Variants in ARMC9 observed in about 807,000 individuals in gnomAD.
The protein encoded by ARMC9 is lisH domain-containing protein ARMC9.
Under a neutral mutation model 107.0 loss-of-function variants are expected in ARMC9, and 94 were observed. The ratio of observed to expected loss-of-function variants is 0.88; its 90% CI spans 0.74 to 1.04. ARMC9 has a LOEUF of 1.04. ARMC9 is among the 50% of genes least tolerant of loss of function. ARMC9 has a pLI of 0.00. For missense variants in ARMC9, 942 were observed against 1,030.1 expected (o/e 0.91, Z 1.17); for synonymous variants, 380 against 396.9 (o/e 0.96, Z 0.51).
intron 19 of ARMC9, among the ~76,000 whole-genome samples, chr2:231,325,653 T>C (rs1190595992): frequency 6.6e-6 from 1 of 152,124 alleles, no homozygotes; most frequent in Admixed American, 6.5e-5. Flanking sequence ...GGAGTACTCA[T>C]TTTCCTAAAA....
intron 14 of ARMC9, among the ~76,000 whole-genome samples, chr2:231,274,030 C>T (rs573237145): frequency 2.6e-5 from 4 of 152,270 alleles, no homozygotes; most frequent in East Asian, 1.9e-4. Context: ...CACTTAGCAT[C>T]GCGTTTGCAA....
rs996922516 is a variant in ARMC9, at chr2:231,256,618, C to T, written c.912C>T (p.Pro304=). 10 of 1,613,716 alleles carry T rather than the reference C, an allele frequency of 6.2e-6. No individual in the cohort carries two copies. Among genetic ancestry groups the T allele is most frequent in the South Asian group, 3.3e-5 (3 of 91,074 alleles). ...ASTMLRASLA[P]VKLKDVPLLP... is the part of the protein sequence containing the mutation. ...CCATGTTACGAGCCTCCTTGGCACC[C>T]GTGTAAGTAACTGCTCTTAGGAATT... The change falls in exon 10 of 25, where the codon CCC becomes CCT. Residue 304 remains proline (P), a splice_region_variant and synonymous_variant. Transcript: ENST00000611582.
At chr2:231,274,854 T>A (rs1272744505) in intron 14 of ARMC9, among the ~76,000 whole-genome samples, 1 of 152,190 alleles carries the variant, frequency 6.6e-6, no homozygotes, top group Non-Finnish European at 1.5e-5. Context: ...AATTCTTTGT[T>A]CTAACTATAT....
chr2:231,292,239 G>T (rs1252061251), intron 18 of ARMC9, among the ~76,000 whole-genome samples: 1 of 150,294 alleles, frequency 6.7e-6, no homozygotes, highest in East Asian at 1.9e-4. Context: ...ATCTCTTATC[G>T]TACTCTAGGC....
At chr2:231,286,057 C>T (rs1651565969) in intron 17 of ARMC9, among the ~76,000 whole-genome samples, 1 of 152,164 alleles carries the variant, frequency 6.6e-6, no homozygotes, top group African/African-American at 2.4e-5. Flanking sequence ...TCTGATCGTG[C>T]ACGGTGCTAG....
At chr2:231,363,613 G>A (rs779228692) in intron 23 of ARMC9, among the ~76,000 whole-genome samples, 3 of 152,128 alleles carry the variant, frequency 2.0e-5, no homozygotes, top group South Asian at 2.1e-4. Context: ...CCTGCCTGGC[G>A]CAGTGGCTCA....
intron 12 of ARMC9, among the ~76,000 whole-genome samples, chr2:231,264,019 GT>G (rs1335375316): frequency 6.6e-6 from 1 of 152,030 alleles, no homozygotes; most frequent in Non-Finnish European, 1.5e-5. Context: ...ATTGGCAGGG[GT>G]TTTTTTCTTT....
chr2:231,291,956 G>C (rs1421107344), intron 18 of ARMC9, among the ~76,000 whole-genome samples: 6 of 151,892 alleles, frequency 4.0e-5, no homozygotes, highest in Non-Finnish European at 4.4e-5. Flanking sequence ...ATCACTTGAG[G>C]TCAGGAGTTC....
At chr2:231,307,376 G>A (rs921451518) in intron 19 of ARMC9, among the ~76,000 whole-genome samples, 135 of 152,328 alleles carry the variant, frequency 8.9e-4, no homozygotes, top group African/African-American at 2.8e-3. Context: ...GGCCAGGCGT[G>A]TAAGAGCCCA....
intron 3 of ARMC9, among the ~76,000 whole-genome samples, chr2:231,210,960 G>A (rs180750190): frequency 6.6e-6 from 1 of 152,210 alleles, no homozygotes; most frequent in Non-Finnish European, 1.5e-5. Context: ...TTCTGTCTAT[G>A]AATTGGCTAC....
At chr2:231,344,867 A>G in intron 20 of ARMC9, 108 bp from the exon 21 acceptor site, 1 of 1,106,994 alleles carries the variant, frequency 9.0e-7, no homozygotes, top group East Asian at 2.5e-5. Flanking sequence ...TTTATTTGCA[A>G]AGCTTCTTAT....
At chr2:231,309,588 A>G (rs891032507) in intron 19 of ARMC9, among the ~76,000 whole-genome samples, 3 of 152,218 alleles carry the variant, frequency 2.0e-5, no homozygotes, top group Non-Finnish European at 2.9e-5. Context: ...GTCTGGGTCT[A>G]GAAATATGAC....
chr2:231,355,499 A>G (rs773307017), intron 21 of ARMC9, among the ~76,000 whole-genome samples: 3 of 152,196 alleles, frequency 2.0e-5, no homozygotes, highest in Admixed American at 6.5e-5. Flanking sequence ...TTTGCTTGAA[A>G]TGTCATGGTC....
In ARMC9 at chr2:231,344,480, T is replaced by C. The variant is rs546154218; in HGVS notation, c.1879-495T>C. Among the ~76,000 whole-genome samples the C allele has an allele frequency of 7.9e-5, 12 of 152,368 alleles. No homozygotes were observed. In the South Asian group the frequency reaches 2.5e-3, roughly 32 times the overall value. On this transcript the variant is annotated intron_variant, in intron 20 of 24. Coordinates refer to ENST00000611582, the MANE Select transcript of ARMC9 (RefSeq NM_001352754.2). ...TTGCCCGATTATCAATTTAGTGTTTTACTTACTGATTTGTAGGAGCTCCTT... is the reference window on the plus strand; with the variant it reads ...TTGCCCGATTATCAATTTAGTGTTTCACTTACTGATTTGTAGGAGCTCCTT...
intron 19 of ARMC9, among the ~76,000 whole-genome samples, chr2:231,313,276 A>G (rs1175384336): frequency 1.3e-5 from 2 of 152,248 alleles, no homozygotes; most frequent in Non-Finnish European, 2.9e-5. Context: ...CAATATTAAT[A>G]TAGCCACTTC....
intron 1 of ARMC9, among the ~76,000 whole-genome samples, chr2:231,200,952 T>TG (rs1177802363): frequency 2.6e-5 from 4 of 151,928 alleles, no homozygotes; most frequent in South Asian, 2.1e-4. Flanking sequence ...CATGTTTGCC[T>TG]GGGGGGGCAG....
intron 9 of ARMC9, among the ~76,000 whole-genome samples, chr2:231,252,195 A>C (rs2125396179): frequency 6.6e-6 from 1 of 152,314 alleles, no homozygotes; most frequent in East Asian, 1.9e-4. Flanking sequence ...TCATTTGTGG[A>C]AATAACCAGC....
chr2:231,360,775 G>A lies in ARMC9; in HGVS notation c.2153G>A (p.Gly718Glu), dbSNP rs1216974078. The part of the protein sequence containing the change: ...SSSSAIIAKP[G>E]EWLPRGRQEE... ...CCAGCAGCCATCATCGCCAAGCCAG[G>A]AGAGTGGCTCCCAAGAGGACGCCAG... is the stretch of plus-strand genomic sequence containing the variant. The change falls in exon 23 of 25, where the codon GGA becomes GAA. Residue 718 changes from glycine to glutamate, a missense_variant. Coordinates refer to ENST00000611582, the MANE Select transcript of ARMC9 (RefSeq NM_001352754.2). The surrounding 1 kb of genome is among the most constrained non-coding windows in gnomAD (Gnocchi z 4.7). 2.6e-6 allele frequency: 4 copies of A among 1,536,046 alleles called. No individual in the cohort carries two copies. The East Asian group carries it at 9.8e-5, about 38-fold the overall frequency.
chr2:231,214,538 A>G (rs569885403), intron 3 of ARMC9, among the ~76,000 whole-genome samples: 3 of 152,296 alleles, frequency 2.0e-5, no homozygotes, highest in African/African-American at 7.2e-5. Flanking sequence ...TACGTGTCCA[A>G]GAGTTCTCTG....
Sources: allele counts gnomAD v4.1 joint callset (sites outside exome capture counted in the v4.1 genomes callset), GRCh38; gene constraint gnomAD v4.1.1; non-coding constraint Gnocchi (gnomAD v3.1); transcripts MANE v1.5; gene names NCBI Gene and HGNC (gene_info 2026-07-23, HGNC 2026-07-21).